Variants in PTPRD observed in about 807,000 individuals in gnomAD.
PTPRD encodes the protein protein tyrosine phosphatase receptor type D, also known as receptor-type tyrosine-protein phosphatase delta.
PTPRD carries 34 observed loss-of-function variants against 214.5 expected under a neutral mutation model. The observed-to-expected ratio is 0.16, with a 90% CI of 0.12 to 0.21. PTPRD has a LOEUF of 0.21. Among genes scored for constraint, PTPRD ranks in the 10% least tolerant of loss-of-function variants. The pLI, the probability that PTPRD is intolerant of heterozygous loss-of-function variation, is 1.00. For missense variants in PTPRD, 2,545 were observed against 2,398.7 expected (o/e 1.06, Z -1.27); for synonymous variants, 1,128 against 845.7 (o/e 1.33, Z -5.79).
At chr9:9,054,369 A>G (rs1379338629) in intron 10 of PTPRD, among the ~76,000 whole-genome samples, 1 of 152,216 alleles carries the variant, frequency 6.6e-6, no homozygotes, top group Non-Finnish European at 1.5e-5. Context: ...ACTTCTCTGG[A>G]AAGCTTAAAA....
intron 3 of PTPRD, among the ~76,000 whole-genome samples, chr9:10,116,832 T>C (rs1484381694): frequency 6.6e-6 from 1 of 152,056 alleles, no homozygotes; most frequent in African/African-American, 2.4e-5. Context: ...ATATTAAGCA[T>C]ACCCCCAACT....
chr9:9,419,001 G>A (rs996663046), intron 8 of PTPRD, among the ~76,000 whole-genome samples: 1 of 151,644 alleles, frequency 6.6e-6, no homozygotes, highest in African/African-American at 2.4e-5. Flanking sequence ...ATGATCATCA[G>A]GGCTTAATTT....
intron 7 of PTPRD, among the ~76,000 whole-genome samples, chr9:9,614,286 A>T (rs949518578): frequency 6.6e-6 from 1 of 152,110 alleles, no homozygotes; most frequent in African/African-American, 2.4e-5. Context: ...TGCTATAATA[A>T]AGCAATTCTC....
At chr9:8,920,006 T>TAA (rs771210405) in intron 11 of PTPRD, among the ~76,000 whole-genome samples, 19 of 144,062 alleles carry the variant, frequency 1.3e-4, no homozygotes, top group Non-Finnish European at 2.9e-4. Context: ...TATATATATA[T>TAA]AATGTTAACA....
intron 11 of PTPRD, among the ~76,000 whole-genome samples, chr9:8,749,248 C>A (rs559660677): frequency 6.6e-6 from 1 of 152,180 alleles, no homozygotes; most frequent in South Asian, 2.1e-4. Flanking sequence ...GTGGCACCAT[C>A]TCAGCTCCCA....
chr9:9,300,522 T>G (rs1954866044), intron 9 of PTPRD, among the ~76,000 whole-genome samples: 1 of 151,750 alleles, frequency 6.6e-6, no homozygotes. Flanking sequence ...GTGTTGAAAT[T>G]GTAACTCCAA....
intron 2 of PTPRD, among the ~76,000 whole-genome samples, chr9:10,570,297 A>T (rs2067013368): frequency 6.6e-6 from 1 of 152,150 alleles, no homozygotes; most frequent in South Asian, 2.1e-4. Context: ...CTCATTAAGA[A>T]GTCCAAAGGA....
chr9:9,424,287 A>G (rs1282766561), intron 8 of PTPRD, among the ~76,000 whole-genome samples: 5 of 152,160 alleles, frequency 3.3e-5, no homozygotes, highest in Admixed American at 2.6e-4. Flanking sequence ...CCAAATTCTT[A>G]TCTCAGAGTC....
intron 3 of PTPRD, among the ~76,000 whole-genome samples, chr9:10,075,244 C>T (rs920086224): frequency 6.6e-6 from 1 of 151,954 alleles, no homozygotes; most frequent in Non-Finnish European, 1.5e-5. Flanking sequence ...TGAGACCCCC[C>T]GAAGGTGCAT....
intron 10 of PTPRD, among the ~76,000 whole-genome samples, chr9:9,171,046 C>G (rs1340871294): frequency 2.6e-5 from 4 of 152,128 alleles, no homozygotes; most frequent in Admixed American, 1.3e-4. Context: ...ATTGTGGTAC[C>G]ACCAGGGCAG....
intron 9 of PTPRD, among the ~76,000 whole-genome samples, chr9:9,264,439 G>T (rs10816077): frequency 0.14 from 20,683 of 151,546 alleles, 1,558 homozygotes; most frequent in East Asian, 0.27. Context: ...GTAGAAGAAA[G>T]ACTCTGTGAA....
At chr9:10,438,386 G>T (rs2098736539) in intron 2 of PTPRD, among the ~76,000 whole-genome samples, 1 of 151,314 alleles carries the variant, frequency 6.6e-6, no homozygotes, top group South Asian at 2.1e-4. Flanking sequence ...ACTTACGATG[G>T]GTTTATCACA....
intron 10 of PTPRD, among the ~76,000 whole-genome samples, chr9:9,175,622 C>CAAAAAAAA (rs55707715): frequency 6.6e-5 from 3 of 45,274 alleles, no homozygotes; most frequent in African/African-American, 2.7e-4. Flanking sequence ...GACTCTGTCT[C>CAAAAAAAA]AAAAAAAAAA....
At chr9:10,195,098 A>ATTTTTTTTTT (rs34900305) in intron 3 of PTPRD, among the ~76,000 whole-genome samples, 2,968 of 97,406 alleles carry the variant, frequency 0.03, no homozygotes, top group Non-Finnish European at 0.043. Flanking sequence ...ATACCCGGCT[A>ATTTTTTTTTT]TTTTTTTTTT....
At chr9:8,515,745 C>T (rs2097771082) in intron 21 of PTPRD, among the ~76,000 whole-genome samples, 1 of 152,168 alleles carries the variant, frequency 6.6e-6, no homozygotes, top group Non-Finnish European at 1.5e-5. Flanking sequence ...CCCTCACAGC[C>T]TTCAAAAGGA....
chr9:8,437,908 T>A (rs571254116), intron 34 of PTPRD, among the ~76,000 whole-genome samples: 2 of 152,334 alleles, frequency 1.3e-5, no homozygotes, highest in East Asian at 3.9e-4. Flanking sequence ...ACTTTTCATA[T>A]GATTTGTCTT....
chr9:9,818,030 T>G (rs769068646), intron 5 of PTPRD, among the ~76,000 whole-genome samples: 1 of 152,190 alleles, frequency 6.6e-6, no homozygotes, highest in Non-Finnish European at 1.5e-5. Context: ...GAAGTTAATA[T>G]GTTGTATGTA....
At chr9:9,116,963 TA>T (rs2099812949) in intron 10 of PTPRD, among the ~76,000 whole-genome samples, 3 of 152,220 alleles carry the variant, frequency 2.0e-5, no homozygotes, top group African/African-American at 7.2e-5. Context: ...ATTTGTCCAA[TA>T]AATGATAAAT....
At chr9:8,604,609 T>G (rs2095089886) in intron 14 of PTPRD, among the ~76,000 whole-genome samples, 2 of 152,082 alleles carry the variant, frequency 1.3e-5, no homozygotes, top group African/African-American at 4.8e-5. Flanking sequence ...CCAAAACCCT[T>G]GCAAAAATCC....
Sources: allele counts gnomAD v4.1 joint callset (sites outside exome capture counted in the v4.1 genomes callset), GRCh38; gene constraint gnomAD v4.1.1; transcripts MANE v1.5; gene names NCBI Gene and HGNC (gene_info 2026-07-23, HGNC 2026-07-21).